The following RASL11A variants were observed in gnomAD, a reference collection of about 807,000 sequenced individuals.
The protein encoded by RASL11A is RAS like family 11 member A.
Under a neutral mutation model 17.1 loss-of-function variants are expected in RASL11A, and 14 were observed. That is an observed-to-expected ratio of 0.82 (90% CI 0.54 to 1.28). The LOEUF (loss-of-function observed/expected upper bound fraction) is 1.28. Ranked by LOEUF, RASL11A falls within the 50% of genes most tolerant of loss-of-function variation. RASL11A has a pLI of 0.00. For missense variants in RASL11A, 283 were observed against 312.3 expected, an observed-to-expected ratio of 0.91 and a Z score of 0.71; for synonymous variants, 146 against 132.5, an observed-to-expected ratio of 1.10 and a Z score of -0.70.
At chr13:27,272,470 C>G (rs1396105084) in intron 3 of RASL11A, among the ~76,000 whole-genome samples, 1 of 152,136 alleles carries the variant, frequency 6.6e-6, no homozygotes, top group Non-Finnish European at 1.5e-5. Context: ...TGGCTGTTCC[C>G]TCAAGTCAGT....
At position 27,274,670 on chromosome 13, in the gene RASL11A, C is replaced by G. The variant is rs1423967766; in HGVS notation, c.*1176C>G. ...CATGCTATATTCAGCTCTGAAATGC[C>G]TTCTCTGGTCTTCCTCTATTCCTGG... is the stretch of plus-strand genomic sequence containing the variant. On this transcript the variant is annotated 3_prime_UTR_variant, in exon 4 of 4. Coordinates refer to ENST00000241463, the MANE Select transcript of RASL11A (RefSeq NM_206827.2). 6.6e-6 allele frequency among the ~76,000 whole-genome samples: 1 copy of G among 152,194 alleles called. No individual in the cohort carries two copies. The highest frequency in any genetic ancestry group is 1.9e-4 in the East Asian group (1 of 5,200).
At chr13:27,271,323 C>T (rs2137924716) in intron 1 of RASL11A, 161 bp from the exon 2 acceptor site, 2 of 1,475,328 alleles carry the variant, frequency 1.4e-6, no homozygotes, top group Non-Finnish European at 1.8e-6. Context: ...TCCCGCCAGT[C>T]GTACTCGCGG....
intron 3 of RASL11A, among the ~76,000 whole-genome samples, chr13:27,272,460 T>C (rs1287710202): frequency 2.0e-5 from 3 of 152,186 alleles, no homozygotes; most frequent in African/African-American, 7.2e-5. Flanking sequence ...CTGCTGTTAA[T>C]GGCTGTTCCC....
intron 3 of RASL11A, among the ~76,000 whole-genome samples, chr13:27,272,733 T>C (rs1194351802): frequency 6.6e-6 from 1 of 152,246 alleles, no homozygotes; most frequent in African/African-American, 2.4e-5. Context: ...TGAGCCATTC[T>C]GGTTTGAGGT....
At position 27,273,122 on chromosome 13, in the gene RASL11A, C is replaced by G; in HGVS notation, c.357C>G (p.Asp119Glu). Residue 119 changes from aspartate to glutamate, a missense_variant, in exon 4 of 4, where the codon GAC (aspartate) becomes GAG (glutamate). Transcript: ENST00000241463. ...TGGTCTATTCCATCACAGACTATGA[C>G]AGCTACTTGTCCATCCGACCCCTTT... ...FLLVYSITDY[D>E]SYLSIRPLYQ... is the part of the protein sequence containing the mutation. 1.2e-6 allele frequency: 2 copies of G among 1,614,220 alleles called. No individual in the cohort carries two copies. The highest frequency in any genetic ancestry group is 1.7e-6 in the Non-Finnish European group (2 of 1,180,032).
rs557790038 is a variant in RASL11A at position 27,273,372 on chromosome 13, A to C, written c.607A>C (p.Ser203Arg). 3.7e-6 allele frequency: 6 copies of C among 1,614,220 alleles called. No individual in the cohort carries two copies. The East Asian group carries it at 1.3e-4, about 36-fold the overall frequency. The change falls in exon 4 of 4, where the codon AGT becomes CGT. Residue 203 changes from serine (S) to arginine (R), a missense_variant. Transcript: ENST00000241463. Reference protein sequence around the residue: ...CKEVSKMHGLSGERRRASIIP... With the variant: ...CKEVSKMHGLRGERRRASIIP... ...AGAAGTGAGCAAGATGCACGGCCTC[A>C]GTGGGGAAAGAAGAAGAGCCTCCAT...
At position 27,271,028 on chromosome 13, in the gene RASL11A, CA is replaced by C; in HGVS notation, c.87del (p.Lys29AsnfsTer15). 6.3e-7 allele frequency: 1 copy of C among 1,588,812 alleles called. No individual in the cohort carries two copies. The highest frequency in any genetic ancestry group is 1.3e-5 in the African/African-American group (1 of 74,212). On this transcript the variant is annotated frameshift_variant, in exon 1 of 4. Transcript: ENST00000241463. LOFTEE classifies it high-confidence loss of function. ...CGGACTACCTACTGCCCAAGGACAT[CA>C]AACTGGCGGTGCTGGGCGCCGGCCG... ...SSDYLLPKDI[K>X]LAVLGAGRVG... is the part of the protein sequence containing the mutation.
At chr13:27,271,398 C>T (rs1035539998) in intron 1 of RASL11A, 86 bp from the exon 2 acceptor site, 17 of 1,571,228 alleles carry the variant, frequency 1.1e-5, no homozygotes, top group Non-Finnish European at 1.4e-5. Context: ...GGTTCTGCAC[C>T]CTTCACTCCC....
chr13:27,272,993 T>C (rs754240691), intron 3 of RASL11A, 34 bp from the exon 4 acceptor site: 1 of 1,576,322 alleles, frequency 6.3e-7, no homozygotes, highest in Non-Finnish European at 8.7e-7. Flanking sequence ...ACTGAGGGTT[T>C]CCTTGACTGG....
Position 27,270,894 on chromosome 13 carries a change from C to A in RASL11A, c.-51C>A, listed in dbSNP as rs1410373714. On this transcript the variant is annotated 5_prime_UTR_variant, in exon 1 of 4. Transcript: ENST00000241463. ...CCAGCTGGCGAGCCGGCTCCGGGTGCGGCGAGGCCCAGCCCTCTCGGATTG... is the reference window on the plus strand; with the variant it reads ...CCAGCTGGCGAGCCGGCTCCGGGTGAGGCGAGGCCCAGCCCTCTCGGATTG... 3.2e-6 allele frequency: 5 copies of A among 1,542,992 alleles called. No individual in the cohort carries two copies. The African/African-American group carries it at 4.2e-5, about 13-fold the overall frequency.
In RASL11A at chr13:27,271,559, TC is replaced by T. The variant is rs756617478; in HGVS notation, c.181+22del. ...AATACAGGTGAGAATACTTTCACGC[TC>T]CCTGCTTTTATGCTTGCGTGTTTCT... is the stretch of plus-strand genomic sequence containing the variant. On this transcript the variant is annotated intron_variant, in intron 2 of 3. Coordinates refer to ENST00000241463, the MANE Select transcript of RASL11A (RefSeq NM_206827.2). 1 of 1,613,900 alleles carries T rather than the reference TC, an allele frequency of 6.2e-7. No homozygotes were observed. The highest frequency in any genetic ancestry group is 2.2e-5 in the East Asian group (1 of 44,884).
rs138065503 is a variant in RASL11A, at chr13:27,272,361, G to C, written c.261+643G>C. Among the ~76,000 whole-genome samples the C allele has an allele frequency of 6.1e-4, 93 of 152,290 alleles. No individual in the cohort carries two copies. In the East Asian group the frequency reaches 0.017, roughly 27 times the overall value. On this transcript the variant is annotated intron_variant, in intron 3 of 3. Coordinates refer to ENST00000241463, the MANE Select transcript of RASL11A (RefSeq NM_206827.2). Reference sequence around the variant, plus strand: ...TTGGCCAGGCTGGTCTCGAACTCCTGACCTCAAGTGATCCGCCCACCTCGG... The same window carrying C: ...TTGGCCAGGCTGGTCTCGAACTCCTCACCTCAAGTGATCCGCCCACCTCGG...
chr13:27,271,153 G>T, intron 1 of RASL11A, 85 bp downstream of exon 1: 1 of 1,490,150 alleles, frequency 6.7e-7, no homozygotes. Context: ...AGGGCGCCTC[G>T]GCCGAAGCAG....
rs369975562 is a variant in RASL11A at position 27,273,188 on chromosome 13, T to C, written c.423T>C (p.Pro141=). The C allele has an allele frequency of 4.3e-6, 7 of 1,614,072 alleles. No homozygotes were observed. The highest frequency in any genetic ancestry group is 5.9e-6 in the Non-Finnish European group (7 of 1,180,048). Reference sequence around the variant, plus strand: ...AGGTCCACCCTGACTCTAAAGCCCCTGTCATCATCGTGGGCAACAAGGGGG... The same window carrying C: ...AGGTCCACCCTGACTCTAAAGCCCCCGTCATCATCGTGGGCAACAAGGGGG... ...IRKVHPDSKA[P]VIIVGNKGDL... is the part of the protein sequence containing the mutation. The change falls in exon 4 of 4, where the codon CCT becomes CCC. Residue 141 remains proline (P), a synonymous_variant. Coordinates refer to ENST00000241463, the MANE Select transcript of RASL11A (RefSeq NM_206827.2).
intron 3 of RASL11A, among the ~76,000 whole-genome samples, chr13:27,272,822 A>G (rs1173005046): frequency 6.6e-6 from 1 of 152,218 alleles, no homozygotes; most frequent in Non-Finnish European, 1.5e-5. Context: ...ATAACAGCTA[A>G]TAAAGTAACT....
Position 27,270,889 on chromosome 13 carries a change from G to A in RASL11A, c.-56G>A, listed in dbSNP as rs1882256536. 5 of 1,541,256 alleles carry A rather than the reference G, an allele frequency of 3.2e-6. No homozygotes were observed. The South Asian group carries it at 4.8e-5, about 15-fold the overall frequency. ...CACTCCCAGCTGGCGAGCCGGCTCC[G>A]GGTGCGGCGAGGCCCAGCCCTCTCG... On this transcript the variant is annotated 5_prime_UTR_variant, in exon 1 of 4. Coordinates refer to ENST00000241463, the MANE Select transcript of RASL11A (RefSeq NM_206827.2).
Position 27,273,506 on chromosome 13 carries a change from C to G in RASL11A, c.*12C>G, listed in dbSNP as rs1234183414. The G allele has an allele frequency of 1.3e-6, 2 of 1,592,724 alleles. No homozygotes were observed. The highest frequency in any genetic ancestry group is 1.7e-6 in the Non-Finnish European group (2 of 1,163,464). ...CTGCACTGGGGTGAACTATCTCAGA[C>G]AGATGCCTCTCCTTTTTAATACGCA... On this transcript the variant is annotated 3_prime_UTR_variant, in exon 4 of 4. Transcript: ENST00000241463.
At chr13:27,271,171 G>A in intron 1 of RASL11A, 103 bp downstream of exon 1, 1 of 1,478,334 alleles carries the variant, frequency 6.8e-7, no homozygotes, top group Non-Finnish European at 8.9e-7. Flanking sequence ...CAGAGGGCGC[G>A]GGTGCAGGTA....
intron 1 of RASL11A, 95 bp from the exon 2 acceptor site, chr13:27,271,389 G>A: frequency 1.3e-6 from 2 of 1,573,286 alleles, no homozygotes; most frequent in East Asian, 2.2e-5. Context: ...AGTGCCCACG[G>A]TTCTGCACCC....
Sources: allele counts gnomAD v4.1 joint callset (sites outside exome capture counted in the v4.1 genomes callset), GRCh38; gene constraint gnomAD v4.1.1; transcripts MANE v1.5; gene names NCBI Gene and HGNC (gene_info 2026-07-23, HGNC 2026-07-21).